The following C1orf105 variants were observed in gnomAD, a reference collection of about 807,000 sequenced individuals.
C1orf105 encodes uncharacterized protein C1orf105.
C1orf105 carries 17 observed loss-of-function variants against 20.8 expected under a neutral mutation model. The observed-to-expected ratio is 0.82, with a 90% CI of 0.56 to 1.23. The LOEUF is 1.23. Ranked by LOEUF, C1orf105 falls within the 50% of genes most tolerant of loss-of-function variation. The pLI, the probability that C1orf105 is intolerant of heterozygous loss-of-function variation, is 0.00. For synonymous variants in C1orf105, 72 were observed against 72.1 expected, an observed-to-expected ratio of 1.00 and a Z score of 0.01; for missense variants, 219 against 213.5, an observed-to-expected ratio of 1.03 and a Z score of -0.16.
intron 3 of C1orf105, among the ~76,000 whole-genome samples, chr1:172,455,480 C>A (rs922603101): frequency 1.3e-5 from 2 of 152,206 alleles, no homozygotes; most frequent in African/African-American, 4.8e-5. Context: ...TCTGCACTTT[C>A]TGTGACCATA....
intron 3 of C1orf105, among the ~76,000 whole-genome samples, chr1:172,453,891 G>T (rs1648941120): frequency 6.6e-6 from 1 of 152,174 alleles, no homozygotes; most frequent in South Asian, 2.1e-4. Flanking sequence ...AGCTATCAAG[G>T]CCAGGTGGGA....
At chr1:172,437,734 A>T (rs1396694864) in intron 1 of C1orf105, among the ~76,000 whole-genome samples, 2 of 132,752 alleles carry the variant, frequency 1.5e-5, no homozygotes, top group Non-Finnish European at 3.4e-5. Context: ...AAAGTATAAT[A>T]ATAATAATAA....
At chr1:172,430,270 C>G (rs560375436) in intron 1 of C1orf105, 1 of 700,792 alleles carries the variant, frequency 1.4e-6, no homozygotes, top group Non-Finnish European at 2.6e-6. Flanking sequence ...TGTCATACTA[C>G]TTTATACCAA....
At chr1:172,434,354 T>G (rs1331802759) in intron 1 of C1orf105, among the ~76,000 whole-genome samples, 1 of 152,162 alleles carries the variant, frequency 6.6e-6, no homozygotes, top group Non-Finnish European at 1.5e-5. Flanking sequence ...TAGTTGGAAG[T>G]AAAGCACTCC....
rs78023289 is a variant in C1orf105 at position 172,468,602 on chromosome 1, G to C, written c.*8G>C. The C allele has an allele frequency of 1.2e-6, 2 of 1,611,834 alleles. No individual in the cohort carries two copies. Among genetic ancestry groups the C allele is most frequent in the East Asian group, 4.5e-5 (2 of 44,852 alleles). On this transcript the variant is annotated 3_prime_UTR_variant, in exon 7 of 7. Coordinates refer to ENST00000367727, the MANE Select transcript of C1orf105 (RefSeq NM_139240.4). ...AAGACAACGAGGCAGTGAGCGGTAG[G>C]AGCTCATCACCTCCCAGACTCCCAG...
At chr1:172,426,136 T>C (rs779869992) in intron 1 of C1orf105, among the ~76,000 whole-genome samples, 6 of 152,154 alleles carry the variant, frequency 3.9e-5, no homozygotes, top group Non-Finnish European at 8.8e-5. Flanking sequence ...CTTCAACCTA[T>C]TCTCTGGATA....
intron 1 of C1orf105, among the ~76,000 whole-genome samples, chr1:172,439,219 CTT>C (rs1357244747): frequency 6.6e-6 from 1 of 152,162 alleles, no homozygotes; most frequent in East Asian, 1.9e-4. Flanking sequence ...TATATACACA[CTT>C]ATATATGATT....
intron 1 of C1orf105, among the ~76,000 whole-genome samples, chr1:172,438,761 T>C (rs2072122985): frequency 6.6e-6 from 1 of 152,210 alleles, no homozygotes; most frequent in Non-Finnish European, 1.5e-5. Context: ...GAAATCTTTC[T>C]TGAAAGGAAG....
rs764484309 is a variant in C1orf105 at position 172,442,275 on chromosome 1, C to T, written c.22-2798C>T. ...CTAGGGCACTCTTCAGGTCAGCCCA[C>T]CGGGTCTGCCCACTCTTCTTCCGCC... On this transcript the variant is annotated intron_variant, in intron 1 of 6. Coordinates refer to ENST00000367727, the MANE Select transcript of C1orf105 (RefSeq NM_139240.4). 17 of 1,613,688 alleles carry T rather than the reference C, an allele frequency of 1.1e-5. 1 individual carries two copies. The Admixed American group carries it at 2.8e-4, about 27-fold the overall frequency.
intron 3 of C1orf105, among the ~76,000 whole-genome samples, chr1:172,449,265 G>A (rs1346922755): frequency 6.6e-6 from 1 of 152,168 alleles, no homozygotes. Flanking sequence ...TCAGAGATGA[G>A]TGAGTCAGCC....
At chr1:172,432,474 G>A (rs920094344) in intron 1 of C1orf105, among the ~76,000 whole-genome samples, 2 of 152,148 alleles carry the variant, frequency 1.3e-5, no homozygotes, top group Non-Finnish European at 2.9e-5. Flanking sequence ...AGGCAAACAG[G>A]GTCTGGAGTG....
intron 4 of C1orf105, among the ~76,000 whole-genome samples, chr1:172,459,833 C>G (rs888929737): frequency 1.3e-5 from 2 of 152,054 alleles, no homozygotes; most frequent in Admixed American, 6.6e-5. Context: ...ATAAACAAAA[C>G]GTTGTCTATC....
At chr1:172,466,786 G>A (rs1197339683) in intron 6 of C1orf105, among the ~76,000 whole-genome samples, 1 of 152,124 alleles carries the variant, frequency 6.6e-6, no homozygotes, top group African/African-American at 2.4e-5. Flanking sequence ...TATGTTCTTG[G>A]ATGGCCCTGA....
chr1:172,435,974 T>A (rs1179164737), intron 1 of C1orf105, among the ~76,000 whole-genome samples: 1 of 152,092 alleles, frequency 6.6e-6, no homozygotes, highest in Non-Finnish European at 1.5e-5. Context: ...AAATCATGAG[T>A]GAACTCCCAT....
chr1:172,462,012 ACT>A (rs748023593), intron 4 of C1orf105, among the ~76,000 whole-genome samples, 164 bp from the exon 5 acceptor site: 6 of 152,198 alleles, frequency 3.9e-5, no homozygotes, highest in Non-Finnish European at 8.8e-5. Context: ...AAAAACAATG[ACT>A]CTGACTTGAG....
chr1:172,467,028 C>T (rs1243816093), intron 6 of C1orf105, among the ~76,000 whole-genome samples: 1 of 152,174 alleles, frequency 6.6e-6, no homozygotes, highest in African/African-American at 2.4e-5. Context: ...ATAGGCTTGG[C>T]CTCTGTGTTC....
chr1:172,465,274 G>A, intron 5 of C1orf105, 25 bp from the exon 6 acceptor site: 2 of 1,552,834 alleles, frequency 1.3e-6, no homozygotes, highest in Non-Finnish European at 1.8e-6. Context: ...ATTGACTAAT[G>A]TGTTTTCTTG....
In C1orf105 at chr1:172,445,149, T is replaced by A. The variant is rs769732165; in HGVS notation, c.98T>A (p.Leu33His). The A allele has an allele frequency of 1.5e-5, 24 of 1,611,104 alleles. No homozygotes were observed. In the Admixed American group the frequency reaches 3.9e-4, roughly 26 times the overall value. Residue 33 changes from leucine (L) to histidine (H), a missense_variant, in exon 2 of 7, where the codon CTT becomes CAT. Leu to His is a moderately conservative substitution (Grantham distance 99, BLOSUM62 -3). Coordinates refer to ENST00000367727, the MANE Select transcript of C1orf105 (RefSeq NM_139240.4). Reference sequence around the variant, plus strand: ...GTAAACAAGCCATTAGTGCTCAGCCTTCCCAGAAGGTAACCTCTCAGCCAC... The same window carrying A: ...GTAAACAAGCCATTAGTGCTCAGCCATCCCAGAAGGTAACCTCTCAGCCAC... ...SLVNKPLVLS[L>H]PRRYPHTSAT...
intron 2 of C1orf105, among the ~76,000 whole-genome samples, 176 bp from the exon 3 acceptor site, chr1:172,448,265 G>C (rs1648232808): frequency 6.6e-6 from 1 of 152,198 alleles, no homozygotes; most frequent in African/African-American, 2.4e-5. Flanking sequence ...AAAAGCCAAA[G>C]TGACATAGGA....
Sources: allele counts gnomAD v4.1 joint callset (sites outside exome capture counted in the v4.1 genomes callset), GRCh38; gene constraint gnomAD v4.1.1; transcripts MANE v1.5; gene names NCBI Gene and HGNC (gene_info 2026-07-23, HGNC 2026-07-21).